The following NRXN3 variants were observed in gnomAD, a reference collection of about 807,000 sequenced individuals.
NRXN3 encodes the protein neurexin 3.
Under a neutral mutation model 137.6 loss-of-function variants are expected in NRXN3, and 32 were observed. The observed-to-expected ratio is 0.23, with a 90% CI of 0.18 to 0.31. NRXN3 has a LOEUF of 0.31. Among genes scored for constraint, NRXN3 ranks in the 10% least tolerant of loss-of-function variants. The probability of loss-of-function intolerance (pLI) is 1.00; values close to 1 mark genes in which losing one functional copy is unlikely to be tolerated. For missense variants in NRXN3, 1,574 were observed against 2,062.5 expected, an observed-to-expected ratio of 0.76 and a Z score of 4.59; for synonymous variants, 798 against 784.5, an observed-to-expected ratio of 1.02 and a Z score of -0.29.
chr14:78,488,028 G>A (rs1403349295), intron 4 of NRXN3, among the ~76,000 whole-genome samples: 1 of 152,120 alleles, frequency 6.6e-6, no homozygotes, highest in Non-Finnish European at 1.5e-5. Context: ...GTAAGTCTAA[G>A]ACCAAGGTGC....
intron 4 of NRXN3, among the ~76,000 whole-genome samples, chr14:78,364,829 C>T (rs1013947055): frequency 5.3e-5 from 8 of 152,140 alleles, no homozygotes; most frequent in African/African-American, 1.9e-4. Context: ...ATGAAGTGGC[C>T]GAGCTGTTAC....
chr14:78,519,745 T>TGAA (rs71303859), intron 4 of NRXN3, among the ~76,000 whole-genome samples: 103,459 of 151,506 alleles, frequency 0.68, 35,520 homozygotes, highest in East Asian at 0.72. Flanking sequence ...TTGAGGACCT[T>TGAA]GAAGGAGTAG....
At chr14:78,916,892 G>T (rs576583576) in intron 10 of NRXN3, among the ~76,000 whole-genome samples, 1 of 152,182 alleles carries the variant, frequency 6.6e-6, no homozygotes, top group Non-Finnish European at 1.5e-5. Context: ...TTGGCTTTTA[G>T]ATGGCTGTCT....
At chr14:79,567,448 C>T (rs1231259211) in intron 16 of NRXN3, among the ~76,000 whole-genome samples, 1 of 151,908 alleles carries the variant, frequency 6.6e-6, no homozygotes, top group Non-Finnish European at 1.5e-5. Flanking sequence ...CCCAGGATAC[C>T]TCTTAGAATG....
chr14:79,078,617 A>G (rs901333723), intron 15 of NRXN3, among the ~76,000 whole-genome samples: 1 of 152,238 alleles, frequency 6.6e-6, no homozygotes, highest in East Asian at 1.9e-4. Context: ...TTTATTGACT[A>G]TAGTAACAAC....
At chr14:78,500,088 G>A (rs565107082) in intron 4 of NRXN3, among the ~76,000 whole-genome samples, 1 of 152,246 alleles carries the variant, frequency 6.6e-6, no homozygotes, top group East Asian at 1.9e-4. Flanking sequence ...TGCCTGACCT[G>A]TGGGTTGTCT....
intron 4 of NRXN3, among the ~76,000 whole-genome samples, chr14:78,306,931 T>A (rs1273105184): frequency 6.6e-6 from 1 of 152,188 alleles, no homozygotes; most frequent in East Asian, 1.9e-4. Context: ...CAACCACCTT[T>A]CCTCAAGTAA....
At chr14:79,728,779 G>T (rs757330704) in intron 19 of NRXN3, among the ~76,000 whole-genome samples, 2 of 152,152 alleles carry the variant, frequency 1.3e-5, no homozygotes. Context: ...AATTAATCTC[G>T]TACGGGGGAA....
At chr14:79,040,503 G>A (rs375824843) in intron 15 of NRXN3, among the ~76,000 whole-genome samples, 17 of 152,258 alleles carry the variant, frequency 1.1e-4, no homozygotes, top group African/African-American at 3.6e-4. Context: ...ACTGGTGCAT[G>A]GTACAATTTC....
At chr14:79,061,192 G>A (rs1481996771) in intron 15 of NRXN3, among the ~76,000 whole-genome samples, 1 of 152,174 alleles carries the variant, frequency 6.6e-6, no homozygotes, top group Non-Finnish European at 1.5e-5. Context: ...AGACAACAGT[G>A]CATAAAGAGA....
intron 4 of NRXN3, among the ~76,000 whole-genome samples, chr14:78,483,409 G>C (rs1479685087): frequency 2.6e-5 from 4 of 152,146 alleles, no homozygotes. Context: ...TGGAGACTTA[G>C]CAGTTACGGA....
intron 10 of NRXN3, among the ~76,000 whole-genome samples, chr14:78,856,196 T>G (rs900148840): frequency 1.3e-5 from 2 of 152,190 alleles, no homozygotes; most frequent in Non-Finnish European, 2.9e-5. Context: ...TTTTTCCCCT[T>G]TGGAAACTGG....
chr14:79,162,105 TTTG>T (rs1200784887), intron 15 of NRXN3, among the ~76,000 whole-genome samples: 7 of 8,498 alleles, frequency 8.2e-4, no homozygotes, highest in Non-Finnish European at 3.9e-3. Context: ...ATTTTTTGTT[TTTG>T]TTTTTTTTTT....
chr14:78,801,552 GA>G (rs1048182687), intron 8 of NRXN3, among the ~76,000 whole-genome samples: 7 of 152,022 alleles, frequency 4.6e-5, no homozygotes, highest in Admixed American at 3.3e-4. Flanking sequence ...CAGCATGGGG[GA>G]AACCACCCCC....
rs376870090 is a variant in NRXN3, at chr14:78,562,549, G to A, written c.758-82571G>A. Among the ~76,000 whole-genome samples the A allele has an allele frequency of 6.6e-5, 10 of 152,148 alleles. No individual in the cohort carries two copies. In the East Asian group the frequency reaches 1.7e-3, roughly 27 times the overall value. Reference sequence around the variant, plus strand: ...CCAAAAAATGACCACACTGTGAGAAGCCCAAGTGTGGTGGAGAGGCCTTGG... The same window carrying A: ...CCAAAAAATGACCACACTGTGAGAAACCCAAGTGTGGTGGAGAGGCCTTGG... On this transcript the variant is annotated intron_variant, in intron 4 of 20. Coordinates refer to ENST00000335750, the MANE Select transcript of NRXN3 (RefSeq NM_001330195.2).
intron 4 of NRXN3, among the ~76,000 whole-genome samples, chr14:78,506,362 C>T (rs961490843): frequency 5.3e-5 from 8 of 152,042 alleles, no homozygotes; most frequent in African/African-American, 1.4e-4. Context: ...TATGTTATTG[C>T]GAACAGTGCT....
chr14:78,217,063 T>G (rs2063365060), intron 1 of NRXN3, among the ~76,000 whole-genome samples: 2 of 152,348 alleles, frequency 1.3e-5, no homozygotes, highest in Middle Eastern at 6.8e-3. Flanking sequence ...TACCAGGTGT[T>G]AAGACTTCAA....
chr14:79,678,731 G>T (rs2098653933), intron 17 of NRXN3, among the ~76,000 whole-genome samples: 2 of 152,096 alleles, frequency 1.3e-5, no homozygotes, highest in East Asian at 1.9e-4. Context: ...TACTAATGTT[G>T]TAAGTGCTTT....
chr14:78,709,488 G>T lies in NRXN3; in HGVS notation c.1493G>T (p.Arg498Leu), dbSNP rs1399068257. Residue 498 changes from arginine to leucine, a missense_variant, in exon 7 of 21, where the codon CGG becomes CTG. Transcript: ENST00000335750. ...HGKPQERKDARSQKNTKVDFF... is the reference protein window; with the variant it reads ...HGKPQERKDALSQKNTKVDFF... ...AAGCCCCAAGAGAGGAAGGATGCTC[G>T]GAGCCAGAAGAATACAAAAGTAGAC... 2 of 1,614,062 alleles carry T rather than the reference G, an allele frequency of 1.2e-6. No homozygotes were observed. Among genetic ancestry groups the T allele is most frequent in the Non-Finnish European group, 8.5e-7 (1 of 1,180,016 alleles).
Sources: allele counts gnomAD v4.1 joint callset (sites outside exome capture counted in the v4.1 genomes callset), GRCh38; gene constraint gnomAD v4.1.1; transcripts MANE v1.5; gene names NCBI Gene and HGNC (gene_info 2026-07-23, HGNC 2026-07-21).